Variants in WNK3 observed in about 807,000 individuals in gnomAD.
WNK3 encodes the protein serine/threonine-protein kinase WNK3.
Under a neutral mutation model 116.7 loss-of-function variants are expected in WNK3, and 18 were observed. The observed-to-expected ratio is 0.15, with a 90% CI of 0.11 to 0.23. The LOEUF is 0.23. Among genes scored for constraint, WNK3 ranks in the 10% least tolerant of loss-of-function variants. The probability of loss-of-function intolerance (pLI) is 1.00; values close to 1 mark genes in which losing one functional copy is unlikely to be tolerated. For missense variants in WNK3, 993 were observed against 1,323.8 expected, an observed-to-expected ratio of 0.75 and a Z score of 3.88; for synonymous variants, 404 against 469.4, an observed-to-expected ratio of 0.86 and a Z score of 1.80.
rs1557140688 is a variant in WNK3, at chrX:54,198,359, G to A, written c.5368C>T (p.Gln1790Ter). The stretch of plus-strand genomic sequence containing the variant: ...CCAGGAGGGATTGTGGCAGGATTCT[G>A]CACTGATGAAGTTGGAAATGCCTGC... The change falls in exon 24 of 24, where the codon CAG becomes TAG. Residue 1790 changes from glutamine (Q) to a stop codon, truncating the protein, a stop_gained. Transcript: ENST00000354646. LOFTEE classifies it high-confidence loss of function. 1 of 1,207,484 alleles carries A rather than the reference G, an allele frequency of 8.3e-7. No individual in the cohort carries two copies. The highest frequency in any genetic ancestry group is 1.1e-6 in the Non-Finnish European group (1 of 893,214).
At position 54,251,972 on chromosome X, in the gene WNK3, G is replaced by A. The variant is rs781920035; in HGVS notation, c.2368-285C>T. On this transcript the variant is annotated intron_variant, in intron 13 of 23. Coordinates refer to ENST00000354646, the Ensembl canonical transcript of WNK3. ...CCCAGCTACTTGGGAGGCTGAGGCAGGAGAATTGCTTGAGCCCAGGAGGCG... is the reference window on the plus strand; with the variant it reads ...CCCAGCTACTTGGGAGGCTGAGGCAAGAGAATTGCTTGAGCCCAGGAGGCG... Among the ~76,000 whole-genome samples, 143 of 107,528 alleles carry A rather than the reference G, an allele frequency of 1.3e-3. 1 individual carries two copies. Among genetic ancestry groups the A allele is most frequent in the African/African-American group, 4.7e-3 (139 of 29,497 alleles). 93.4% of individuals were successfully genotyped at this position (107,528 alleles called of 115,157 possible).
chrX:54,245,615 A>G (rs1265143605), intron 17 of WNK3, among the ~76,000 whole-genome samples: 1 of 111,973 alleles, frequency 8.9e-6, no homozygotes. Context: ...TGTCCATGCT[A>G]AAATAAAGAT....
At chrX:54,298,765 A>C (rs924659108) in intron 6 of WNK3, among the ~76,000 whole-genome samples, 48 of 112,452 alleles carry the variant, frequency 4.3e-4, no homozygotes, top group Non-Finnish European at 1.5e-4. Flanking sequence ...AATTTCCCTA[A>C]GCCACTGGCT....
intron 22 of WNK3, among the ~76,000 whole-genome samples, chrX:54,215,674 C>A (rs1557145045): frequency 9.0e-6 from 1 of 110,723 alleles, no homozygotes; most frequent in African/African-American, 3.3e-5. Flanking sequence ...TGAGGAGCGT[C>A]TCTGCCCGGC....
At chrX:54,265,998 C>CCA (rs2068306169) in intron 10 of WNK3, among the ~76,000 whole-genome samples, 1 of 105,235 alleles carries the variant, frequency 9.5e-6, no homozygotes, top group African/African-American at 3.5e-5. Flanking sequence ...GACAAGACAG[C>CCA]GAAAAAAAAA....
chrX:54,330,006 G>A lies in WNK3; in HGVS notation c.537+3131C>T, dbSNP rs113048058. Among the ~76,000 whole-genome samples, 605 of 111,814 alleles carry A rather than the reference G, an allele frequency of 5.4e-3. 2 individuals are homozygous for A. The highest frequency in any genetic ancestry group is 0.019 in the African/African-American group (586 of 30,831). ...TATAATCCCAGCATTTTGGGAAGCC[G>A]AAGTGGAAGGAGCACTTGAGCCTAG... On this transcript the variant is annotated intron_variant, in intron 2 of 23. Coordinates refer to ENST00000354646, the Ensembl canonical transcript of WNK3.
chrX:54,346,837 T>C (rs1325688287), intron 1 of WNK3, among the ~76,000 whole-genome samples: 2 of 111,414 alleles, frequency 1.8e-5, no homozygotes, highest in Non-Finnish European at 3.8e-5. Context: ...ATTTTCTATG[T>C]CTCAAAAACC....
chrX:54,337,600 A>ATAAATAAATAAATAAG lies in WNK3; in HGVS notation c.-119-3809_-119-3808insCTTATTTATTTATTTA, dbSNP rs1569539256. Among the ~76,000 whole-genome samples, 3 of 107,302 alleles carry ATAAATAAATAAATAAG rather than the reference A, an allele frequency of 2.8e-5. No individual in the cohort carries two copies. The East Asian group carries it at 8.6e-4, about 31-fold the overall frequency. The allele number at this position is 107,302 out of a possible 115,157, so 93.2% of individuals were successfully genotyped here. On this transcript the variant is annotated intron_variant, in intron 1 of 23. Coordinates refer to ENST00000354646, the Ensembl canonical transcript of WNK3. ...AATAAATAAATAAATAAATAAATAA[A>ATAAATAAATAAATAAG]ATATTTGAGGCCAGGTGCAATGGAT... is the stretch of plus-strand genomic sequence containing the variant.
At position 54,215,762 on chromosome X, in the gene WNK3, G is replaced by A. The variant is rs184813592; in HGVS notation, c.4870+12952C>T. On this transcript the variant is annotated intron_variant, in intron 22 of 23. Coordinates refer to ENST00000354646, the Ensembl canonical transcript of WNK3. Reference sequence around the variant, plus strand: ...AAGTGAGGAGCCCCTCTGCCCGGCCGCCACCCAGTCTGGGAAGTGTACTCA... The same window carrying A: ...AAGTGAGGAGCCCCTCTGCCCGGCCACCACCCAGTCTGGGAAGTGTACTCA... Among the ~76,000 whole-genome samples, 107 of 109,761 alleles carry A rather than the reference G, an allele frequency of 9.7e-4. No homozygotes were observed. The East Asian group carries it at 0.017, about 18-fold the overall frequency.
intron 5 of WNK3, among the ~76,000 whole-genome samples, 178 bp downstream of exon 5, chrX:54,307,744 A>G (rs1392748633): frequency 2.7e-5 from 3 of 111,450 alleles, no homozygotes; most frequent in Non-Finnish European, 5.6e-5. Flanking sequence ...AGCATTTTAT[A>G]TGACTCCAAT....
intron 8 of WNK3, among the ~76,000 whole-genome samples, chrX:54,294,132 T>G (rs941848542): frequency 9.0e-6 from 1 of 111,013 alleles, no homozygotes; most frequent in Non-Finnish European, 1.9e-5. Flanking sequence ...CAGTGAATCA[T>G]GATCACACCA....
At chrX:54,294,757 T>G (rs782370150) in exon 8 of WNK3, 5 of 1,211,004 alleles carry the variant, frequency 4.1e-6, no homozygotes, top group Non-Finnish European at 5.6e-6. Flanking sequence ...GCAGGCTTCT[T>G]CTCTCTTGTC....
At chrX:54,291,932 G>A (rs1307632102) in intron 10 of WNK3, among the ~76,000 whole-genome samples, 1 of 111,554 alleles carries the variant, frequency 9.0e-6, no homozygotes, top group Admixed American at 9.6e-5. Flanking sequence ...GAAGACAAAC[G>A]CAAGGTATGG....
intron 17 of WNK3, among the ~76,000 whole-genome samples, chrX:54,241,530 A>G (rs1049622903): frequency 1.8e-5 from 2 of 112,498 alleles, no homozygotes; most frequent in African/African-American, 6.4e-5. Context: ...GGAATGAACT[A>G]CAGTTACTAG....
chrX:54,266,241 T>A (rs1350915231), intron 10 of WNK3, among the ~76,000 whole-genome samples: 3 of 111,031 alleles, frequency 2.7e-5, no homozygotes, highest in African/African-American at 9.8e-5. Flanking sequence ...AGCTAAAAAT[T>A]ATAACAATTG....
exon 2 of WNK3, chrX:54,333,181 G>A: frequency 2.5e-6 from 3 of 1,208,954 alleles, no homozygotes; most frequent in Non-Finnish European, 3.4e-6. Context: ...TCAGTGTCCA[G>A]TCCTTTATAT....
chrX:54,214,838 CCT>C (rs1181336265), intron 22 of WNK3, among the ~76,000 whole-genome samples: 6 of 111,067 alleles, frequency 5.4e-5, no homozygotes, highest in South Asian at 3.9e-4. Flanking sequence ...CGGTGAGACC[CCT>C]GTCTCTACTA....
chrX:54,284,107 T>C (rs1234126914), intron 10 of WNK3, among the ~76,000 whole-genome samples: 2 of 110,944 alleles, frequency 1.8e-5, no homozygotes, highest in Admixed American at 2.0e-4. Flanking sequence ...CAAAAACGAA[T>C]GGGCAATATA....
At chrX:54,214,358 G>A (rs1165481889) in intron 22 of WNK3, among the ~76,000 whole-genome samples, 3 of 111,296 alleles carry the variant, frequency 2.7e-5, no homozygotes, top group Non-Finnish European at 5.6e-5. Flanking sequence ...AAATTTCCCA[G>A]ACATTTAAAG....
Sources: gnomAD v4.1 joint callset for allele counts (sites outside exome capture counted in the v4.1 genomes callset) on GRCh38, gnomAD v4.1.1 for gene constraint, MANE v1.5 for transcripts, NCBI Gene and HGNC (gene_info 2026-07-23, HGNC 2026-07-21) for gene names.